The following CDON variants were observed in gnomAD, a reference collection of about 807,000 sequenced individuals.
CDON encodes cell adhesion molecule-related/down-regulated by oncogenes.
CDON carries 73 observed loss-of-function variants against 120.9 expected under a neutral mutation model. The observed-to-expected ratio is 0.60, with a 90% confidence interval of 0.50 to 0.73. The LOEUF is 0.73. CDON is among the 30% of genes least tolerant of loss of function. The probability of loss-of-function intolerance (pLI) is 0.00; values close to 1 mark genes in which losing one functional copy is unlikely to be tolerated. For missense variants in CDON, 1,470 were observed against 1,587.3 expected (o/e 0.93, Z 1.26); for synonymous variants, 566 against 573.5 (o/e 0.99, Z 0.19).
At chr11:126,019,229 T>C (rs1159016953) in intron 4 of CDON, among the ~76,000 whole-genome samples, 3 of 151,992 alleles carry the variant, frequency 2.0e-5, no homozygotes, top group Non-Finnish European at 4.4e-5. Context: ...GGCATTCCAG[T>C]AGGGGTATGT....
chr11:126,015,270 T>C lies in CDON; in HGVS notation c.1169A>G (p.His390Arg). The C allele has an allele frequency of 6.2e-7, 1 of 1,614,052 alleles. No individual in the cohort carries two copies. The highest frequency in any genetic ancestry group is 8.5e-7 in the Non-Finnish European group (1 of 1,179,974). ...CVADNGIGFM[H>R]STGRLEIEND... ...TTCAATTTCAAGTCTTCCAGTAGAG[T>C]GCATAAATCCAATCCCATTATCTGC... Residue 390 changes from histidine to arginine, a missense_variant, in exon 7 of 20, where the codon CAC becomes CGC. His to Arg is a conservative substitution (Grantham distance 29). Transcript: ENST00000531738.
chr11:125,976,041 A>C (rs1946140904), intron 18 of CDON, among the ~76,000 whole-genome samples: 1 of 152,210 alleles, frequency 6.6e-6, no homozygotes, highest in Admixed American at 6.5e-5. Context: ...ATTCATAGTA[A>C]CAATGTCGAT....
chr11:126,040,005 T>C (rs964959258), intron 1 of CDON, among the ~76,000 whole-genome samples: 1 of 152,190 alleles, frequency 6.6e-6, no homozygotes, highest in African/African-American at 2.4e-5. Flanking sequence ...CATTTTAATC[T>C]GATTTCCCCT....
At chr11:125,986,860 A>C in intron 15 of CDON, among the ~76,000 whole-genome samples, 1 of 77,926 alleles carries the variant, frequency 1.3e-5, no homozygotes, top group African/African-American at 6.3e-5. Flanking sequence ...TGAGAAAAGA[A>C]GTCATCTTTC....
At position 126,001,841 on chromosome 11, in the gene CDON, G is replaced by A. The variant is rs201628624; in HGVS notation, c.2036C>T (p.Ala679Val). The A allele has an allele frequency of 3.4e-5, 54 of 1,596,420 alleles. No individual in the cohort carries two copies. In the African/African-American group the frequency reaches 3.6e-4, roughly 11 times the overall value. Reference sequence around the variant, plus strand: ...GGATGCCTGGGTGTTTTTTGATGACGCTGTTTTTTCTAGAAAGGTAAATAA... The same window carrying A: ...GGATGCCTGGGTGTTTTTTGATGACACTGTTTTTTCTAGAAAGGTAAATAA... ...LTFRTSKEKT[A>V]SSKNTQASSP... The change falls in exon 11 of 20, where the codon GCG (alanine) becomes GTG (valine). Residue 679 changes from alanine to valine, a missense_variant. Ala to Val is a moderately conservative substitution (Grantham distance 64). Coordinates refer to ENST00000531738, the MANE Select transcript of CDON (RefSeq NM_001378964.1).
intron 1 of CDON, among the ~76,000 whole-genome samples, chr11:126,060,429 T>TG (rs1565563522): frequency 1.3e-5 from 2 of 152,186 alleles, no homozygotes; most frequent in African/African-American, 2.4e-5. Flanking sequence ...AAGCAACACA[T>TG]TTTTCAACTC....
Position 125,961,768 on chromosome 11 carries a change from T to C in CDON, c.3587A>G (p.Asp1196Gly). Residue 1196 changes from aspartate to glycine, a missense_variant, in exon 19 of 20, where the codon GAC (aspartate) becomes GGC (glycine). Asp to Gly is a moderately conservative substitution (Grantham distance 94). Transcript: ENST00000531738. ...QRTCCQDIVN[D>G]VSSDGSEDPA... ...ATCTTCTGAGCCATCAGAGCTGACG[T>C]CATTTACAATGTCCTGACAGCAGGT... 1.2e-6 allele frequency: 2 copies of C among 1,614,182 alleles called. No homozygotes were observed. The highest frequency in any genetic ancestry group is 2.7e-5 in the African/African-American group (2 of 75,068).
At chr11:126,013,836 T>C (rs1397218750) in intron 7 of CDON, among the ~76,000 whole-genome samples, 1 of 152,102 alleles carries the variant, frequency 6.6e-6, no homozygotes, top group Non-Finnish European at 1.5e-5. Context: ...TTTGAATCTA[T>C]TCTGTTATCC....
In CDON at chr11:125,989,888, T is replaced by C. The variant is rs1939985; in HGVS notation, c.2651-129A>G. 242,570 of 785,480 alleles carry C rather than the reference T, an allele frequency of 0.31. 39,023 individuals carry two copies. Among genetic ancestry groups the C allele is most frequent in the East Asian group, 0.54 (18,947 of 35,068 alleles). 48.7% of individuals were successfully genotyped at this position (785,480 alleles called of 1,614,324 possible). A position where few individuals can be genotyped will look rare whatever the true frequency, so the allele number is the denominator to read the frequency against. On this transcript the variant is annotated intron_variant, in intron 14 of 19. Transcript: ENST00000531738. The stretch of plus-strand genomic sequence containing the variant: ...CATCCAGTAGTTTGTGCAATAAAAA[T>C]GTACTTAATAGTAAGTATTTGACTA...
At chr11:125,978,518 A>C in intron 17 of CDON, 135 bp from the exon 18 acceptor site, 1 of 692,912 alleles carries the variant, frequency 1.4e-6, no homozygotes, top group African/African-American at 1.8e-5. Flanking sequence ...ATTCTAACCA[A>C]CTCCCAGAGC....
chr11:125,997,156 T>C, intron 12 of CDON, 51 bp downstream of exon 12: 2 of 1,311,674 alleles, frequency 1.5e-6, no homozygotes, highest in South Asian at 1.2e-5. Flanking sequence ...TATAAATATA[T>C]GGATCTAAAG....
intron 1 of CDON, among the ~76,000 whole-genome samples, chr11:126,042,991 C>G (rs1429938042): frequency 6.6e-6 from 1 of 152,126 alleles, no homozygotes; most frequent in Non-Finnish European, 1.5e-5. Flanking sequence ...TGTTTCACAC[C>G]GACTTCCTAG....
chr11:126,062,829 C>G lies in CDON; in HGVS notation c.-312G>C, dbSNP rs1025794305. ...CTCGCACCTAGCCGCGCGAGCCGGG[C>G]TCCCGGGCTCAGGGGAGGGGAGCTG... On this transcript the variant is annotated 5_prime_UTR_variant, in exon 1 of 20. Transcript: ENST00000531738. 2 of 151,704 alleles carry G rather than the reference C, an allele frequency of 1.3e-5. No homozygotes were observed. The highest frequency in any genetic ancestry group is 2.9e-5 in the Non-Finnish European group (2 of 67,870). The allele number at this position is 151,704 out of a possible 1,614,324, so 9.4% of individuals were successfully genotyped here. A position where few individuals can be genotyped will look rare whatever the true frequency, so the allele number is the denominator to read the frequency against.
chr11:126,042,110 C>T (rs1440582907), intron 1 of CDON, among the ~76,000 whole-genome samples: 5 of 152,168 alleles, frequency 3.3e-5, no homozygotes, highest in Admixed American at 6.5e-5. Flanking sequence ...TCTCGAACTC[C>T]CGACCTTAGG....
At chr11:125,989,264 G>A (rs987770968) in intron 15 of CDON, among the ~76,000 whole-genome samples, 2 of 152,252 alleles carry the variant, frequency 1.3e-5, no homozygotes, top group South Asian at 2.1e-4. Flanking sequence ...GTCCAGGCAC[G>A]GTGGCTCACG....
intron 1 of CDON, among the ~76,000 whole-genome samples, chr11:126,061,167 TATAA>T (rs1249267706): frequency 6.6e-6 from 1 of 152,204 alleles, no homozygotes; most frequent in Non-Finnish European, 1.5e-5. Flanking sequence ...TTAATAGAAA[TATAA>T]ATGTTTCTGT....
rs980942998 is a variant in CDON at position 126,044,684 on chromosome 11, A to T, written c.-62+17895T>A. On this transcript the variant is annotated intron_variant, in intron 1 of 19. Coordinates refer to ENST00000531738, the MANE Select transcript of CDON (RefSeq NM_001378964.1). ...TCTCATTCATATGTGGGAGCTAAAA[A>T]TTTTTTAAAATTGAACTCAGGGAGA... Among the ~76,000 whole-genome samples, 5 of 152,148 alleles carry T rather than the reference A, an allele frequency of 3.3e-5. 1 individual carries two copies. Among genetic ancestry groups the T allele is most frequent in the Admixed American group, 3.3e-4 (5 of 15,260 alleles).
In CDON at chr11:125,993,360, GTC is replaced by G. The variant is rs1346219419; in HGVS notation, c.2650+922_2650+923del. ...GCAAATAGTTTCAAACACACACACA[GTC>G]TCTGTCTCTCACACACACATGCGCG... On this transcript the variant is annotated intron_variant, in intron 14 of 19. Transcript: ENST00000531738. Among the ~76,000 whole-genome samples, 9 of 147,366 alleles carry G rather than the reference GTC, an allele frequency of 6.1e-5. No homozygotes were observed. The East Asian group carries it at 1.4e-3, about 23-fold the overall frequency.
Position 125,959,272 on chromosome 11 carries a change from G to A in CDON, c.*1670C>T, listed in dbSNP as rs187972930. ...ACAGTATTGTATTCTATTCCACTGC[G>A]ATTTCTGGGAAACTAACATTTCTTC... On this transcript the variant is annotated 3_prime_UTR_variant, in exon 20 of 20. Transcript: ENST00000531738. The A allele has an allele frequency of 3.9e-5, 6 of 152,262 alleles. No homozygotes were observed. The highest frequency in any genetic ancestry group is 1.2e-4 in the African/African-American group (5 of 41,550). The allele number at this position is 152,262 out of a possible 1,614,324, so 9.4% of individuals were successfully genotyped here.
Sources: gnomAD v4.1 joint callset for allele counts (sites outside exome capture counted in the v4.1 genomes callset) on GRCh38, gnomAD v4.1.1 for gene constraint, MANE v1.5 for transcripts, NCBI Gene and HGNC (gene_info 2026-07-23, HGNC 2026-07-21) for gene names.